TRIM66: variants seen among roughly 807,000 people sequenced by gnomAD.
The protein encoded by TRIM66 is tripartite motif-containing protein 66.
TRIM66 carries 99 observed loss-of-function variants against 148.2 expected under a neutral mutation model. That is an observed-to-expected ratio of 0.67 (90% CI 0.57 to 0.79). The LOEUF (loss-of-function observed/expected upper bound fraction) is 0.79. Among genes scored for constraint, TRIM66 ranks in the 30% least tolerant of loss-of-function variants. The probability of loss-of-function intolerance (pLI) is 0.00; values close to 1 mark genes in which losing one functional copy is unlikely to be tolerated. For missense variants in TRIM66, 1,666 were observed against 1,697.9 expected, an observed-to-expected ratio of 0.98 and a Z score of 0.33; for synonymous variants, 616 against 635.9, an observed-to-expected ratio of 0.97 and a Z score of 0.47.
intron 8 of TRIM66, 122 bp downstream of exon 8, chr11:8,649,618 T>G: frequency 1.5e-6 from 2 of 1,339,486 alleles, no homozygotes; most frequent in Non-Finnish European, 2.0e-6. Flanking sequence ...GGAAAGGCTC[T>G]GAGACTGTCC....
At chr11:8,667,506 C>T (rs1029032152) in intron 6 of TRIM66, among the ~76,000 whole-genome samples, 1 of 152,160 alleles carries the variant, frequency 6.6e-6, no homozygotes, top group Admixed American at 6.5e-5. Flanking sequence ...CAGTTCAACA[C>T]TAACAATGAC....
At chr11:8,666,489 A>G (rs2038607960) in intron 6 of TRIM66, among the ~76,000 whole-genome samples, 1 of 152,010 alleles carries the variant, frequency 6.6e-6, no homozygotes, top group Admixed American at 6.6e-5. Context: ...CAAGTTCTAA[A>G]TAACAGCACT....
In TRIM66 at chr11:8,616,137, A is replaced by C. The variant is rs2033705186; in HGVS notation, c.*1807T>G. On this transcript the variant is annotated 3_prime_UTR_variant, in exon 25 of 25. Transcript: ENST00000646038. The stretch of plus-strand genomic sequence containing the variant: ...CGGACTAGTAAAGCATTCAAGACTC[A>C]GTTACCCCAAACTAGAAAACGGGAT... 1 of 152,240 alleles carries C rather than the reference A, an allele frequency of 6.6e-6. No homozygotes were observed. The highest frequency in any genetic ancestry group is 1.5e-5 in the Non-Finnish European group (1 of 68,048). The allele number at this position is 152,240 out of a possible 1,614,324, so 9.4% of individuals were successfully genotyped here. A position where few individuals can be genotyped will look rare whatever the true frequency, so the allele number is the denominator to read the frequency against.
At chr11:8,627,164 GGTACGGA>G (rs1393947164) in intron 15 of TRIM66, among the ~76,000 whole-genome samples, 1 of 152,130 alleles carries the variant, frequency 6.6e-6, no homozygotes, top group African/African-American at 2.4e-5. Flanking sequence ...ACTCCATTAG[GGTACGGA>G]TTTTTATCTA....
chr11:8,650,898 T>C lies in TRIM66; in HGVS notation c.444+902A>G, dbSNP rs1205096919. Among the ~76,000 whole-genome samples, 4 of 152,188 alleles carry C rather than the reference T, an allele frequency of 2.6e-5. No homozygotes were observed. In the East Asian group the frequency reaches 5.8e-4, roughly 22 times the overall value. On this transcript the variant is annotated intron_variant, in intron 7 of 24. Coordinates refer to ENST00000646038, the MANE Select transcript of TRIM66 (RefSeq NM_001388022.1). ...CCACATATGGGAGTACACAGCAAGA[T>C]GGTCAAATGCAACCAAGGAAGGGCA...
At position 8,640,275 on chromosome 11, in the gene TRIM66, C is replaced by G. The variant is rs1177809325; in HGVS notation, c.2100G>C (p.Val700=). 28 of 1,551,606 alleles carry G rather than the reference C, an allele frequency of 1.8e-5. No individual in the cohort carries two copies. Among genetic ancestry groups the G allele is most frequent in the Non-Finnish European group, 2.4e-5 (28 of 1,146,994 alleles). The change falls in exon 14 of 25, where the codon GTG becomes GTC. Residue 700 remains valine (V), a synonymous_variant. Coordinates refer to ENST00000646038, the MANE Select transcript of TRIM66 (RefSeq NM_001388022.1). ...GGGACTGGACAGGTGCTGGCTGCCT[C>G]ACGATGTAGTTGATCTGCCCCACAA... The part of the protein sequence containing the change: ...QTIVGQINYI[V]RQPAPVQSQS...
chr11:8,627,096 T>G (rs2034922544), intron 15 of TRIM66, among the ~76,000 whole-genome samples: 1 of 152,232 alleles, frequency 6.6e-6, no homozygotes, highest in Non-Finnish European at 1.5e-5. Context: ...ACTTTCAGCT[T>G]CATACCACAA....
chr11:8,617,962 G>GT lies in TRIM66; in HGVS notation c.4160dup (p.Asn1387LysfsTer45). On this transcript the variant is annotated frameshift_variant, in exon 25 of 25. Coordinates refer to ENST00000646038, the MANE Select transcript of TRIM66 (RefSeq NM_001388022.1). LOFTEE classifies it high-confidence loss of function. ...TTGGCTCTCACACCTGAGAGATGCT[G>GT]TTGGCCAGGCGAAATGACATTCTTT... 6.4e-7 allele frequency: 1 copy of GT among 1,551,706 alleles called. No individual in the cohort carries two copies. Among genetic ancestry groups the GT allele is most frequent in the Middle Eastern group, 1.7e-4 (1 of 5,992 alleles).
In TRIM66 at chr11:8,624,526, A is replaced by C; in HGVS notation, c.2852T>G (p.Phe951Cys). ...GGGACCTTGTCCCAGTAAGTCAGTG[A>C]AGCGAGTGGAATCCTCACTTTCCAT... ...CKMESEDSTR[F>C]TDLLGQGPIV... Residue 951 changes from phenylalanine to cysteine, a missense_variant, in exon 17 of 25, where the codon TTC (phenylalanine) becomes TGC (cysteine). By Grantham distance (205) the Phe-to-Cys change is radical. Around this residue, in one of 3 missense-constraint regions of TRIM66, gnomAD observed 1,431 missense variants for 1,412.4 expected, o/e 1.01. Coordinates refer to ENST00000646038, the MANE Select transcript of TRIM66 (RefSeq NM_001388022.1). The C allele has an allele frequency of 2.0e-6, 3 of 1,531,898 alleles. No individual in the cohort carries two copies. The East Asian group carries it at 7.4e-5, about 38-fold the overall frequency. The allele number at this position is 1,531,898 out of a possible 1,614,324, so 94.9% of individuals were successfully genotyped here.
At chr11:8,648,151 C>G (rs778610486) in intron 9 of TRIM66, 65 bp from the exon 10 acceptor site, 1 of 1,364,026 alleles carries the variant, frequency 7.3e-7, no homozygotes, top group Non-Finnish European at 1.0e-6. Context: ...GCCAACCAAG[C>G]GGGAATCTCC....
At position 8,642,998 on chromosome 11, in the gene TRIM66, T is replaced by C. The variant is rs2036537137; in HGVS notation, c.1222+11A>G. 1 of 1,546,138 alleles carries C rather than the reference T, an allele frequency of 6.5e-7. No homozygotes were observed. Among genetic ancestry groups the C allele is most frequent in the South Asian group, 1.2e-5 (1 of 83,360 alleles). On this transcript the variant is annotated intron_variant, in intron 13 of 24. Coordinates refer to ENST00000646038, the MANE Select transcript of TRIM66 (RefSeq NM_001388022.1). ...GGGTGGGTAGGCCTGGGTGGGTGGG[T>C]CCAAGCTCACCAAGAGAAGCTAGCT...
chr11:8,622,521 T>C (rs2034396018), intron 18 of TRIM66, among the ~76,000 whole-genome samples: 1 of 151,324 alleles, frequency 6.6e-6, no homozygotes, highest in Non-Finnish European at 1.5e-5. Context: ...GGCCCACCTC[T>C]GCATGGCCAG....
intron 7 of TRIM66, among the ~76,000 whole-genome samples, chr11:8,650,426 A>C (rs189084405): frequency 1.4e-5 from 2 of 146,008 alleles, no homozygotes; most frequent in African/African-American, 5.0e-5. Flanking sequence ...AGGAGGAGGA[A>C]GAGGAGGAGA....
At chr11:8,654,564 T>C (rs112809021) in intron 6 of TRIM66, 9 of 152,356 alleles carry the variant, frequency 5.9e-5, no homozygotes, top group African/African-American at 1.9e-4. Flanking sequence ...GCATTTTAAA[T>C]ACCTGTTCAT....
chr11:8,638,537 C>G, intron 15 of TRIM66, 117 bp downstream of exon 15: 1 of 1,139,706 alleles, frequency 8.8e-7, no homozygotes, highest in Non-Finnish European at 1.2e-6. Context: ...GGCTGTGTAG[C>G]GTCCAGGGAT....
At chr11:8,682,785 G>C (rs201406733), upstream of TRIM66, 6 of 1,613,460 alleles carry the variant, frequency 3.7e-6, no homozygotes, top group Admixed American at 5.0e-5. Flanking sequence ...ACTTGGCGAA[G>C]GCCTTCCTTT....
At chr11:8,658,909 G>T in intron 6 of TRIM66, 1 of 573,472 alleles carries the variant, frequency 1.7e-6, no homozygotes, top group Non-Finnish European at 2.2e-6. Context: ...AGTTGCCATA[G>T]TGACCAATTG....
intron 15 of TRIM66, among the ~76,000 whole-genome samples, chr11:8,635,425 C>G (rs1016301446): frequency 1.3e-5 from 2 of 152,198 alleles, no homozygotes; most frequent in African/African-American, 4.8e-5. Flanking sequence ...TATCCTTGAG[C>G]TTCACACCCT....
intron 6 of TRIM66, among the ~76,000 whole-genome samples, chr11:8,669,509 T>G (rs1207605200): frequency 1.3e-5 from 2 of 152,006 alleles, no homozygotes; most frequent in Non-Finnish European, 2.9e-5. Context: ...CTGGGTGTGG[T>G]GGCACATGCT....
Sources: gnomAD v4.1 joint callset for allele counts (sites outside exome capture counted in the v4.1 genomes callset) on GRCh38, gnomAD v4.1.1 for gene constraint, gnomAD v4.1.1 regional missense constraint, MANE v1.5 for transcripts, NCBI Gene and HGNC (gene_info 2026-07-23, HGNC 2026-07-21) for gene names.